KIF13B: variants seen among roughly 807,000 people sequenced by gnomAD.
The protein encoded by KIF13B is kinesin-like protein KIF13B.
A neutral mutation model predicts 222.0 loss-of-function variants in KIF13B; 127 were observed. The ratio of observed to expected loss-of-function variants is 0.57; its 90% confidence interval spans 0.50 to 0.66. The LOEUF (loss-of-function observed/expected upper bound fraction) is 0.66, where lower values mean the gene tolerates loss of function less well. Ranked by LOEUF, KIF13B falls within the 30% of genes least tolerant of loss-of-function variation. The probability of loss-of-function intolerance (pLI) is 0.00; values close to 1 mark genes in which losing one functional copy is unlikely to be tolerated. For missense variants in KIF13B, 2,173 were observed against 2,379.0 expected, an observed-to-expected ratio of 0.91 and a Z score of 1.80; for synonymous variants, 976 against 919.0, an observed-to-expected ratio of 1.06 and a Z score of -1.12.
chr8:29,078,683 G>C (rs1407767182), intron 37 of KIF13B, among the ~76,000 whole-genome samples: 1 of 152,198 alleles, frequency 6.6e-6, no homozygotes, highest in Non-Finnish European at 1.5e-5. Flanking sequence ...GAAGTCCCAT[G>C]AGGCAAGTGA....
In KIF13B at chr8:29,212,323, TGA is replaced by T. The variant is rs1283917600; in HGVS notation, c.150-16126_150-16125del. On this transcript the variant is annotated intron_variant, in intron 2 of 39. Coordinates refer to ENST00000524189, the MANE Select transcript of KIF13B (RefSeq NM_015254.4). ...ACTTTACATTCCCGTCAGCAAGACA[TGA>T]GAGTCACGGTTGCTCCCCATCTTCA... is the stretch of plus-strand genomic sequence containing the variant. Among the ~76,000 whole-genome samples, 5 of 152,308 alleles carry T rather than the reference TGA, an allele frequency of 3.3e-5. No individual in the cohort carries two copies. The East Asian group carries it at 9.6e-4, about 29-fold the overall frequency.
intron 2 of KIF13B, among the ~76,000 whole-genome samples, chr8:29,243,668 G>A (rs1315516694): frequency 6.6e-6 from 1 of 150,640 alleles, no homozygotes; most frequent in African/African-American, 2.4e-5. Context: ...AAAAAAAAAA[G>A]AAAGAAAAGA....
intron 37 of KIF13B, among the ~76,000 whole-genome samples, chr8:29,092,412 A>G (rs1808341490): frequency 6.6e-6 from 1 of 152,260 alleles, no homozygotes; most frequent in Non-Finnish European, 1.5e-5. Flanking sequence ...AAAAATAAAA[A>G]TAGAATTACA....
chr8:29,181,794 A>G, intron 7 of KIF13B, 125 bp downstream of exon 7: 1 of 534,100 alleles, frequency 1.9e-6, no homozygotes, highest in Non-Finnish European at 3.2e-6. Context: ...GGATTTTTGT[A>G]AAGTGATTTA....
intron 2 of KIF13B, among the ~76,000 whole-genome samples, chr8:29,227,347 T>C (rs931070568): frequency 2.0e-5 from 3 of 152,124 alleles, no homozygotes; most frequent in African/African-American, 7.2e-5. Flanking sequence ...TGGAGTGCAA[T>C]GTCATGATCT....
chr8:29,074,676 G>T (rs1807470266), intron 38 of KIF13B, among the ~76,000 whole-genome samples: 1 of 152,374 alleles, frequency 6.6e-6, no homozygotes, highest in South Asian at 2.1e-4. Flanking sequence ...TGAATGCCCA[G>T]TGTGCACTGG....
chr8:29,244,010 C>T (rs1159311734), intron 2 of KIF13B, among the ~76,000 whole-genome samples: 1 of 152,064 alleles, frequency 6.6e-6, no homozygotes, highest in South Asian at 2.1e-4. Context: ...AAATCCAGGG[C>T]TCTTTTCTTT....
At chr8:29,092,680 T>C in intron 37 of KIF13B, 65 bp downstream of exon 37, 4 of 1,477,378 alleles carry the variant, frequency 2.7e-6, no homozygotes, top group Non-Finnish European at 3.6e-6. Context: ...CCTCCAGCTT[T>C]GGCGCAACAC....
intron 37 of KIF13B, among the ~76,000 whole-genome samples, chr8:29,083,524 T>A (rs374273266): frequency 5.3e-5 from 8 of 150,204 alleles, no homozygotes; most frequent in African/African-American, 1.9e-4. Flanking sequence ...TTAGTTACAT[T>A]TCATTATTTT....
In KIF13B at chr8:29,110,081, G is replaced by C. The variant is rs924424494; in HGVS notation, c.3931-11C>G. The C allele has an allele frequency of 1.3e-6, 2 of 1,552,308 alleles. No individual in the cohort carries two copies. The highest frequency in any genetic ancestry group is 2.7e-5 in the African/African-American group (2 of 73,062). On this transcript the variant is annotated splice_polypyrimidine_tract_variant and intron_variant, in intron 32 of 39. Transcript: ENST00000524189. ...CACTCCCTGGGCATCCTGAGCAGTG[G>C]AAAGTTATACATTATAAAAGCTTCT...
Position 29,140,182 on chromosome 8 carries a change from G to A in KIF13B, c.2494C>T (p.Arg832Trp). 5 of 1,613,530 alleles carry A rather than the reference G, an allele frequency of 3.1e-6. No individual in the cohort carries two copies. The highest frequency in any genetic ancestry group is 4.2e-6 in the Non-Finnish European group (5 of 1,179,832). ...IINQKGEVAGRLHVEVMRLSG... is the reference protein window; with the variant it reads ...IINQKGEVAGWLHVEVMRLSG... ...AGTCGCATCACCTCCACGTGCAGCCGACCTGCCACCTGCAGCAATGAGGGA... is the reference window on the plus strand; with the variant it reads ...AGTCGCATCACCTCCACGTGCAGCCAACCTGCCACCTGCAGCAATGAGGGA... Residue 832 changes from arginine to tryptophan, a missense_variant, in exon 21 of 40, where the codon CGG (arginine) becomes TGG (tryptophan). Physicochemically the swap from Arg to Trp is moderately radical, Grantham distance 101. Coordinates refer to ENST00000524189, the MANE Select transcript of KIF13B (RefSeq NM_015254.4).
chr8:29,070,959 C>T lies in KIF13B; in HGVS notation c.5219-193G>A, dbSNP rs189194863. Among the ~76,000 whole-genome samples the T allele has an allele frequency of 1.7e-3, 260 of 152,274 alleles. No homozygotes were observed. Among genetic ancestry groups the T allele is most frequent in the Non-Finnish European group, 3.2e-3 (216 of 68,010 alleles). ...GAATGTGGCCAGGGCCTGGGGTGAC[C>T]GCCTCCCAGGACAGTGAGCAGTGGT... On this transcript the variant is annotated intron_variant, in intron 39 of 39. Coordinates refer to ENST00000524189, the MANE Select transcript of KIF13B (RefSeq NM_015254.4). The surrounding 1 kb of genome is among the most constrained non-coding windows in gnomAD (Gnocchi z 4.1).
intron 18 of KIF13B, among the ~76,000 whole-genome samples, chr8:29,144,701 T>C (rs1586837914): frequency 1.3e-5 from 2 of 152,114 alleles, no homozygotes; most frequent in South Asian, 4.1e-4. Flanking sequence ...CAACGGGCAA[T>C]ATGGTGCAGC....
chr8:29,256,663 A>G (rs910424039), intron 1 of KIF13B, among the ~76,000 whole-genome samples: 1 of 152,228 alleles, frequency 6.6e-6, no homozygotes, highest in African/African-American at 2.4e-5. Context: ...ACATTGTAGT[A>G]AAAGCACAGG....
chr8:29,164,405 T>C (rs1384750786), intron 12 of KIF13B, among the ~76,000 whole-genome samples: 5 of 152,202 alleles, frequency 3.3e-5, no homozygotes, highest in African/African-American at 4.8e-5. Flanking sequence ...TGACTTTAAA[T>C]AGATGAACAA....
At chr8:29,073,006 C>T (rs1047512027) in intron 38 of KIF13B, among the ~76,000 whole-genome samples, 1 of 151,808 alleles carries the variant, frequency 6.6e-6, no homozygotes, top group African/African-American at 2.4e-5. Context: ...CCAGCTCAGG[C>T]ACCAACAAGG....
At chr8:29,087,631 C>T (rs997595084) in intron 37 of KIF13B, among the ~76,000 whole-genome samples, 2 of 152,230 alleles carry the variant, frequency 1.3e-5, no homozygotes, top group African/African-American at 2.4e-5. Flanking sequence ...CGCAGTTCCA[C>T]GCTGCGTCGG....
At chr8:29,225,810 T>A (rs1355950531) in intron 2 of KIF13B, among the ~76,000 whole-genome samples, 1 of 152,160 alleles carries the variant, frequency 6.6e-6, no homozygotes, top group African/African-American at 2.4e-5. Flanking sequence ...GGAACACCAG[T>A]AATACAGTTT....
chr8:29,106,608 G>T (rs945858722), intron 35 of KIF13B, among the ~76,000 whole-genome samples: 7 of 135,184 alleles, frequency 5.2e-5, no homozygotes, highest in African/African-American at 2.0e-4. Flanking sequence ...CTCCAGCCTG[G>T]GCAACAAGAG....
Sources: gnomAD v4.1 joint callset for allele counts (sites outside exome capture counted in the v4.1 genomes callset) on GRCh38, gnomAD v4.1.1 for gene constraint, Gnocchi (gnomAD v3.1) non-coding constraint, MANE v1.5 for transcripts, NCBI Gene and HGNC (gene_info 2026-07-23, HGNC 2026-07-21) for gene names.